Variants in ANKRD24 observed in about 807,000 individuals in gnomAD.
ANKRD24 encodes the protein ankyrin repeat domain 24, also known as ankyrin repeat domain-containing protein 24.
ANKRD24 carries 109 observed loss-of-function variants against 127.8 expected under a neutral mutation model. That is an observed-to-expected ratio of 0.85 (90% CI 0.73 to 1.00). ANKRD24 has a LOEUF of 1.00. ANKRD24 is among the 50% of genes least tolerant of loss of function. The pLI, the probability that ANKRD24 is intolerant of heterozygous loss-of-function variation, is 0.00. For synonymous variants in ANKRD24, 743 were observed against 671.1 expected, an observed-to-expected ratio of 1.11 and a Z score of -1.66; for missense variants, 1,648 against 1,570.2, an observed-to-expected ratio of 1.05 and a Z score of -0.84.
chr19:4,203,061 T>A, intron 7 of ANKRD24, 135 bp downstream of exon 7: 1 of 783,164 alleles, frequency 1.3e-6, no homozygotes, highest in Non-Finnish European at 1.9e-6. Context: ...TCTTTTTTTT[T>A]TTTTGAGACG....
intron 1 of ANKRD24, among the ~76,000 whole-genome samples, chr19:4,184,647 G>C (rs888350729): frequency 3.3e-5 from 5 of 152,216 alleles, no homozygotes; most frequent in African/African-American, 1.2e-4. Context: ...CAAGCAGCCT[G>C]TGAACTCCTC....
chr19:4,217,285 A>G lies in ANKRD24; in HGVS notation c.2125A>G (p.Ile709Val), dbSNP rs1970156883. 1 of 1,557,720 alleles carries G rather than the reference A, an allele frequency of 6.4e-7. No homozygotes were observed. The highest frequency in any genetic ancestry group is 1.4e-5 in the African/African-American group (1 of 73,302). Reference protein sequence around the residue: ...ATVPGISAGPILHPGAAEASE... With the variant: ...ATVPGISAGPVLHPGAAEASE... The stretch of plus-strand genomic sequence containing the variant: ...GGTCCCGGGGATCTCTGCTGGCCCC[A>G]TCCTACATCCTGGTGCCGCAGAGGC... The change falls in exon 18 of 22, where the codon ATC becomes GTC. Residue 709 changes from isoleucine to valine, a missense_variant. Physicochemically the swap from Ile to Val is conservative, Grantham distance 29. Transcript: ENST00000318934.
intron 2 of ANKRD24, among the ~76,000 whole-genome samples, chr19:4,194,334 G>C (rs1297501555): frequency 2.6e-5 from 4 of 152,116 alleles, no homozygotes; most frequent in African/African-American, 9.7e-5. Flanking sequence ...TGTATTGTTA[G>C]TAGAGACGGG....
chr19:4,220,544 C>CT (rs145954190), intron 19 of ANKRD24, among the ~76,000 whole-genome samples: 1,664 of 152,138 alleles, frequency 0.011, 30 homozygotes, highest in African/African-American at 0.037. Flanking sequence ...CACACATTAC[C>CT]TTTTTTTATT....
At chr19:4,192,371 T>G (rs1237532818) in intron 2 of ANKRD24, among the ~76,000 whole-genome samples, 1 of 149,236 alleles carries the variant, frequency 6.7e-6, no homozygotes, top group Non-Finnish European at 1.5e-5. Context: ...ATTTTTTACT[T>G]AAGTATGCAT....
intron 2 of ANKRD24, among the ~76,000 whole-genome samples, chr19:4,190,632 C>G (rs1039450832): frequency 4.6e-5 from 7 of 152,012 alleles, no homozygotes; most frequent in Non-Finnish European, 8.8e-5. Flanking sequence ...ACTCAGGAGG[C>G]TGAGGAAGGA....
chr19:4,193,683 A>C (rs1360250687), intron 2 of ANKRD24, among the ~76,000 whole-genome samples: 1 of 151,864 alleles, frequency 6.6e-6, no homozygotes, highest in African/African-American at 2.4e-5. Flanking sequence ...CTAAAAATAC[A>C]AAAATTAGCC....
intron 15 of ANKRD24, among the ~76,000 whole-genome samples, chr19:4,214,111 G>A (rs942474400): frequency 2.6e-5 from 4 of 152,054 alleles, no homozygotes; most frequent in Non-Finnish European, 2.9e-5. Flanking sequence ...ACGTGCACCC[G>A]TCTTGTGCAG....
chr19:4,215,965 TC>T lies in ANKRD24; in HGVS notation c.1198-10del. The T allele has an allele frequency of 6.3e-7, 1 of 1,574,860 alleles. No homozygotes were observed. The highest frequency in any genetic ancestry group is 1.2e-5 in the South Asian group (1 of 85,550). ...AGCAGAACCCCGAGCTGGACTCTGC[TC>T]CCTCCCCCCAGAACGAGCGGGAGAA... On this transcript the variant is annotated splice_polypyrimidine_tract_variant and intron_variant, in intron 15 of 21. Transcript: ENST00000318934.
chr19:4,212,816 G>A (rs941411215), intron 15 of ANKRD24, 118 bp downstream of exon 15: 8 of 905,842 alleles, frequency 8.8e-6, no homozygotes, highest in Admixed American at 2.6e-5. Context: ...GCAAACACAC[G>A]CACCAGACAC....
Position 4,216,726 on chromosome 19 carries a change from G to T in ANKRD24, c.1566G>T (p.Glu522Asp). 2 of 1,577,800 alleles carry T rather than the reference G, an allele frequency of 1.3e-6. No individual in the cohort carries two copies. Among genetic ancestry groups the T allele is most frequent in the Non-Finnish European group, 1.7e-6 (2 of 1,162,312 alleles). The change falls in exon 18 of 22, where the codon GAG (glutamate) becomes GAT (aspartate). Residue 522 changes from glutamate (E) to aspartate (D), a missense_variant. Transcript: ENST00000318934. ...QQETREVPRE[E>D]GAACGESEVA... ...AGACACGAGAGGTCCCCAGAGAAGA[G>T]GGGGCAGCCTGTGGGGAGAGTGAGG...
In ANKRD24 at chr19:4,195,221, C is replaced by T. The variant is rs184767570; in HGVS notation, c.37-4462C>T. ...CCGAGTAGCTGGGACTACAGGCGCCCACCACCACGCCCGGCTAATTTTTTG... is the reference window on the plus strand; with the variant it reads ...CCGAGTAGCTGGGACTACAGGCGCCTACCACCACGCCCGGCTAATTTTTTG... On this transcript the variant is annotated intron_variant, in intron 2 of 21. Transcript: ENST00000318934. This position sits in a 1 kb window ranked among gnomAD's most constrained non-coding sequence, Gnocchi z 4.2. 0.035 allele frequency among the ~76,000 whole-genome samples: 5,310 copies of T among 151,968 alleles called. 128 individuals carry two copies. The highest frequency in any genetic ancestry group is 0.051 in the Non-Finnish European group (3,497 of 67,934).
Position 4,219,756 on chromosome 19 carries a change from A to T in ANKRD24, c.3169A>T (p.Lys1057Ter). ...ALDKAKEKDK[K>*]ITELSKEVFN... ...GGACAAGGCCAAGGAGAAGGACAAGAAGGTGGGTGCCCCCTCTCCCACACT... is the reference window on the plus strand; with the variant it reads ...GGACAAGGCCAAGGAGAAGGACAAGTAGGTGGGTGCCCCCTCTCCCACACT... The change falls in exon 19 of 22, where the codon AAG (lysine) becomes TAG (stop). Residue 1057 changes from lysine (K) to a stop codon, truncating the protein, a stop_gained and splice_region_variant. Transcript: ENST00000318934. LOFTEE classifies it high-confidence loss of function. The T allele has an allele frequency of 6.2e-7, 1 of 1,600,824 alleles. No homozygotes were observed. The highest frequency in any genetic ancestry group is 8.5e-7 in the Non-Finnish European group (1 of 1,172,714).
chr19:4,212,868 T>C (rs1050395605), intron 15 of ANKRD24, among the ~76,000 whole-genome samples, 170 bp downstream of exon 15: 1 of 152,106 alleles, frequency 6.6e-6, no homozygotes, highest in Non-Finnish European at 1.5e-5. Context: ...TGCGAGGGCT[T>C]ACGCCTGTCA....
intron 19 of ANKRD24, among the ~76,000 whole-genome samples, chr19:4,221,088 T>C (rs941210403): frequency 1.3e-5 from 2 of 150,050 alleles, no homozygotes; most frequent in African/African-American, 4.9e-5. Flanking sequence ...GTTTCTTTCT[T>C]TTTTTTTTGA....
chr19:4,213,236 TC>T (rs1196716624), intron 15 of ANKRD24, among the ~76,000 whole-genome samples: 1,625 of 94,058 alleles, frequency 0.017, 37 homozygotes, highest in African/African-American at 0.064. Flanking sequence ...CTTCCTTCCC[TC>T]CCTCCTTCCT....
At chr19:4,209,756 C>T (rs1227690396) in intron 11 of ANKRD24, among the ~76,000 whole-genome samples, 1 of 152,154 alleles carries the variant, frequency 6.6e-6, no homozygotes, top group Admixed American at 6.6e-5. Context: ...TGGCCCCTCT[C>T]CCAGTTTTAA....
At chr19:4,214,576 G>A (rs1599453362) in intron 15 of ANKRD24, among the ~76,000 whole-genome samples, 1 of 152,084 alleles carries the variant, frequency 6.6e-6, no homozygotes, top group African/African-American at 2.4e-5. Flanking sequence ...GCATGAAGCC[G>A]GAAACGGTGG....
At position 4,199,724 on chromosome 19, in the gene ANKRD24, C is replaced by T. The variant is rs760462157; in HGVS notation, c.78C>T (p.Cys26=). The T allele has an allele frequency of 1.1e-4, 167 of 1,537,928 alleles. 1 individual carries two copies. The highest frequency in any genetic ancestry group is 2.1e-4 in the Middle Eastern group (1 of 4,704). The part of the protein sequence containing the change: ...SPTDLGSCPP[C]GPCPIPKPAA... ...CTGACCTTGGCTCCTGCCCGCCCTG[C>T]GGCCCCTGCCCCATCCCGAAGCCGG... Residue 26 remains cysteine, a synonymous_variant, in exon 3 of 22, where the codon TGC becomes TGT. Transcript: ENST00000318934. This position sits in a 1 kb window ranked among gnomAD's most constrained non-coding sequence, Gnocchi z 5.2.
Sources: gnomAD v4.1 joint callset for allele counts (sites outside exome capture counted in the v4.1 genomes callset) on GRCh38, gnomAD v4.1.1 for gene constraint, Gnocchi (gnomAD v3.1) non-coding constraint, MANE v1.5 for transcripts, NCBI Gene and HGNC (gene_info 2026-07-23, HGNC 2026-07-21) for gene names.